The following ABCA4 variants were observed in gnomAD, a reference collection of about 807,000 sequenced individuals.
ABCA4 encodes the protein ATP binding cassette subfamily A member 4, also known as retinal-specific phospholipid-transporting ATPase ABCA4.
ABCA4 carries 196 observed loss-of-function variants against 263.7 expected under a neutral mutation model. The ratio of observed to expected loss-of-function variants is 0.74; its 90% CI spans 0.66 to 0.84. The LOEUF (loss-of-function observed/expected upper bound fraction) is 0.84. ABCA4 is among the 40% of genes least tolerant of loss of function. The pLI is 0.00. For synonymous variants in ABCA4, 1,133 were observed against 1,094.2 expected (o/e 1.04, Z -0.70); for missense variants, 2,792 against 2,855.1 (o/e 0.98, Z 0.50).
At position 94,015,778 on chromosome 1, in the gene ABCA4, T is replaced by C. The variant is rs779399010; in HGVS notation, c.5273A>G (p.Glu1758Gly). The part of the protein sequence containing the change: ...GFQKKAYTSP[E>G]NLPALVALLL... Reference sequence around the variant, plus strand: ...CAGTGCCACAAGGGCAGGAAGGTTTTCTGGAGAAGTGTAGGCTTTCTTCTG... The same window carrying C: ...CAGTGCCACAAGGGCAGGAAGGTTTCCTGGAGAAGTGTAGGCTTTCTTCTG... The change falls in exon 37 of 50, where the codon GAA (glutamate) becomes GGA (glycine). Residue 1758 changes from glutamate (E) to glycine (G), a missense_variant. By Grantham distance (98) the Glu-to-Gly change is moderately conservative. Coordinates refer to ENST00000370225, the MANE Select transcript of ABCA4 (RefSeq NM_000350.3). 5.0e-5 allele frequency: 81 copies of C among 1,613,946 alleles called. No individual in the cohort carries two copies. Among genetic ancestry groups the C allele is most frequent in the Non-Finnish European group, 6.2e-5 (73 of 1,180,012 alleles).
intron 4 of ABCA4, among the ~76,000 whole-genome samples, chr1:94,104,946 AACACACGCACAC>A (rs935009520): frequency 2.6e-5 from 4 of 151,914 alleles, no homozygotes; most frequent in African/African-American, 4.8e-5. Context: ...CACCATCCCC[AACACACGCACAC>A]ACACACGCAT....
chr1:93,994,870 T>C (rs909874562), intron 49 of ABCA4, among the ~76,000 whole-genome samples: 7 of 152,212 alleles, frequency 4.6e-5, no homozygotes, highest in African/African-American at 1.4e-4. Context: ...TGTGGTGGGA[T>C]TAGTCCTTTA....
At chr1:94,008,119 G>A (rs1659445422) in intron 42 of ABCA4, 116 bp downstream of exon 42, 1 of 932,286 alleles carries the variant, frequency 1.1e-6, no homozygotes, top group South Asian at 1.4e-5. Flanking sequence ...AATTACATAT[G>A]TGACTTGCAT....
intron 47 of ABCA4, among the ~76,000 whole-genome samples, chr1:93,998,699 A>AT (rs1445437811): frequency 1.4e-5 from 2 of 138,650 alleles, no homozygotes; most frequent in Non-Finnish European, 1.6e-5. Context: ...AGGTAGTTTT[A>AT]TTTATTTTAT....
chr1:94,044,493 A>G, intron 20 of ABCA4, 120 bp downstream of exon 20: 5 of 1,472,136 alleles, frequency 3.4e-6, no homozygotes, highest in Non-Finnish European at 4.7e-6. Flanking sequence ...GAAACCAAAT[A>G]AGAGTCTGTA....
chr1:94,083,831 T>G (rs1002547278), intron 6 of ABCA4, among the ~76,000 whole-genome samples: 1 of 152,220 alleles, frequency 6.6e-6, no homozygotes, highest in Non-Finnish European at 1.5e-5. Context: ...ACCTCGGAGC[T>G]TTGTAGACAC....
intron 1 of ABCA4, among the ~76,000 whole-genome samples, chr1:94,114,830 A>C (rs1278123749): frequency 6.6e-6 from 1 of 151,872 alleles, no homozygotes; most frequent in Non-Finnish European, 1.5e-5. Flanking sequence ...CAGGTTCATC[A>C]CTCCTCCAAG....
intron 1 of ABCA4, among the ~76,000 whole-genome samples, chr1:94,114,929 G>A (rs912859086): frequency 6.6e-6 from 1 of 152,184 alleles, no homozygotes; most frequent in Non-Finnish European, 1.5e-5. Flanking sequence ...CCCCACATGG[G>A]GCAGAACTCA....
intron 6 of ABCA4, among the ~76,000 whole-genome samples, chr1:94,086,356 A>T (rs1316260250): frequency 6.6e-6 from 1 of 152,190 alleles, no homozygotes; most frequent in Non-Finnish European, 1.5e-5. Flanking sequence ...GTCTTTTTTT[A>T]AAAGGGTAAA....
At chr1:94,117,528 A>C (rs1662824143) in intron 1 of ABCA4, among the ~76,000 whole-genome samples, 1 of 152,072 alleles carries the variant, frequency 6.6e-6, no homozygotes, top group Admixed American at 6.6e-5. Context: ...GGATGACACC[A>C]AGAGACCCAC....
At chr1:94,003,057 T>C (rs757352935) in intron 44 of ABCA4, among the ~76,000 whole-genome samples, 3 of 152,226 alleles carry the variant, frequency 2.0e-5, no homozygotes, top group Non-Finnish European at 4.4e-5. Flanking sequence ...CCTTCACTCC[T>C]AAATACTTCA....
At chr1:94,086,152 T>G (rs1661819555) in intron 6 of ABCA4, among the ~76,000 whole-genome samples, 1 of 152,208 alleles carries the variant, frequency 6.6e-6, no homozygotes, top group Non-Finnish European at 1.5e-5. Context: ...TGTGAGTAAA[T>G]GATCTTATCA....
At chr1:94,119,408 T>C (rs1433045970) in intron 1 of ABCA4, among the ~76,000 whole-genome samples, 1 of 152,206 alleles carries the variant, frequency 6.6e-6, no homozygotes, top group Non-Finnish European at 1.5e-5. Flanking sequence ...ACACAGGTTT[T>C]GGAGCCATCC....
At chr1:94,093,499 T>C (rs1662032141) in intron 6 of ABCA4, among the ~76,000 whole-genome samples, 1 of 152,236 alleles carries the variant, frequency 6.6e-6, no homozygotes, top group African/African-American at 2.4e-5. Flanking sequence ...CACACATTGG[T>C]GCACACATTG....
intron 23 of ABCA4, among the ~76,000 whole-genome samples, chr1:94,040,376 C>T (rs980399765): frequency 6.6e-6 from 1 of 152,202 alleles, no homozygotes; most frequent in Non-Finnish European, 1.5e-5. Flanking sequence ...GTCCCTTTGG[C>T]TTGTCATCAA....
intron 26 of ABCA4, 147 bp from the exon 27 acceptor site, chr1:94,032,190 TA>T: frequency 1.0e-6 from 1 of 987,746 alleles, no homozygotes; most frequent in Non-Finnish European, 1.5e-6. Flanking sequence ...ATCATCTTTA[TA>T]AAAATCTATT....
At chr1:94,036,452 C>T (rs969938223) in intron 26 of ABCA4, among the ~76,000 whole-genome samples, 2 of 151,438 alleles carry the variant, frequency 1.3e-5, no homozygotes, top group African/African-American at 2.4e-5. Context: ...TCTCTGCTCA[C>T]TGCAACCTCT....
chr1:94,092,336 GC>G (rs778192323), intron 6 of ABCA4, among the ~76,000 whole-genome samples: 28 of 152,212 alleles, frequency 1.8e-4, no homozygotes, highest in East Asian at 7.7e-4. Flanking sequence ...CCTGGGCTGA[GC>G]TACAGGAAAC....
chr1:94,052,850 T>C (rs950403307), intron 16 of ABCA4, among the ~76,000 whole-genome samples: 12 of 152,210 alleles, frequency 7.9e-5, no homozygotes, highest in Non-Finnish European at 5.9e-5. Context: ...TGTCTTTTTT[T>C]ATTCATAATA....
Sources: gnomAD v4.1 joint callset for allele counts (sites outside exome capture counted in the v4.1 genomes callset) on GRCh38, gnomAD v4.1.1 for gene constraint, MANE v1.5 for transcripts, NCBI Gene and HGNC (gene_info 2026-07-23, HGNC 2026-07-21) for gene names.